Variants in ITPA observed in about 807,000 individuals in gnomAD.
ITPA encodes the protein inosine triphosphatase, also known as inosine triphosphate pyrophosphatase.
In ITPA, 29 loss-of-function variants were observed where a neutral mutation model predicts 29.6. The observed-to-expected ratio is 0.98, with a 90% CI of 0.73 to 1.34. ITPA has a LOEUF of 1.34. Ranked by LOEUF, ITPA falls within the 40% of genes most tolerant of loss-of-function variation. The pLI, the probability that ITPA is intolerant of heterozygous loss-of-function variation, is 0.00. For synonymous variants in ITPA, 103 were observed against 99.3 expected (o/e 1.04, Z -0.22); for missense variants, 241 against 251.5 (o/e 0.96, Z 0.28).
At chr20:3,216,051 G>A (rs1050735228) in intron 5 of ITPA, among the ~76,000 whole-genome samples, 2 of 146,720 alleles carry the variant, frequency 1.4e-5, no homozygotes, top group South Asian at 2.2e-4. Context: ...GGTGCAGTGC[G>A]TCAATCTCGG....
chr20:3,213,928 C>A, intron 3 of ITPA, 57 bp from the exon 4 acceptor site: 3 of 1,562,454 alleles, frequency 1.9e-6, no homozygotes, highest in Non-Finnish European at 2.6e-6. Flanking sequence ...GTGACCTGGA[C>A]GTTCCAGGTG....
chr20:3,223,877 T>G, downstream of ITPA: 1 of 165,864 alleles, frequency 6.0e-6, no homozygotes, highest in Non-Finnish European at 1.3e-5. Flanking sequence ...CCCAGGCAGG[T>G]GTCTGTCTCA....
At chr20:3,221,410 G>C (rs1054210583) in intron 6 of ITPA, among the ~76,000 whole-genome samples, 1 of 152,172 alleles carries the variant, frequency 6.6e-6, no homozygotes, top group Non-Finnish European at 1.5e-5. Context: ...AGTCTTCCTT[G>C]TATTTTCAGG....
chr20:3,219,196 C>CTTTTTT (rs1190462595), intron 6 of ITPA: 3 of 66,178 alleles, frequency 4.5e-5, no homozygotes, highest in East Asian at 6.4e-4. Context: ...AATCTTAATT[C>CTTTTTT]TTTTTTTTTT....
upstream of ITPA, among the ~76,000 whole-genome samples, chr20:3,206,762 C>T (rs533625650): frequency 2.7e-5 from 4 of 150,342 alleles, no homozygotes; most frequent in South Asian, 2.1e-4. Flanking sequence ...ACCCGGGAGG[C>T]GGAGCTTGCA....
upstream of ITPA, chr20:3,209,315 G>T (rs1420793119): frequency 5.0e-6 from 3 of 600,182 alleles, no homozygotes; most frequent in Non-Finnish European, 9.0e-6. The surrounding 1 kb of genome is among the most constrained non-coding windows in gnomAD (Gnocchi z 4.6). Flanking sequence ...CGTCCCTTAG[G>T]CAGGAGGGGT....
chr20:3,205,300 G>C (rs6051643), upstream of ITPA, among the ~76,000 whole-genome samples: 4 of 152,044 alleles, frequency 2.6e-5, no homozygotes, highest in Middle Eastern at 0.014. Context: ...GGGTTTTGCT[G>C]TATCTGTGAC....
At chr20:3,213,147 G>A in intron 1 of ITPA, 22 bp from the exon 2 acceptor site, 9 of 1,610,420 alleles carry the variant, frequency 5.6e-6, no homozygotes, top group Non-Finnish European at 7.6e-6. Context: ...GGTGATAAGT[G>A]TTCTCTTTTC....
At chr20:3,222,472 G>T (rs2067490556) in intron 7 of ITPA, among the ~76,000 whole-genome samples, 1 of 152,184 alleles carries the variant, frequency 6.6e-6, no homozygotes, top group South Asian at 2.1e-4. Flanking sequence ...GCCTCCCAAA[G>T]TGCTGGGATT....
Position 3,215,268 on chromosome 20 carries a change from C to A in ITPA, c.264-13C>A, listed in dbSNP as rs754911401. 5 of 1,613,538 alleles carry A rather than the reference C, an allele frequency of 3.1e-6. No individual in the cohort carries two copies. The Admixed American group carries it at 8.3e-5, about 27-fold the overall frequency. ...TGCTCCTGGTGTCTGACTGTCCTTT[C>A]TTTCTCTTGCAGAAAGTGGTTTCTG... On this transcript the variant is annotated splice_polypyrimidine_tract_variant and intron_variant, in intron 4 of 7. Transcript: ENST00000380113.
Position 3,217,910 on chromosome 20 carries a change from T to G in ITPA, c.296-607T>G, listed in dbSNP as rs551174798. On this transcript the variant is annotated intron_variant, in intron 5 of 7. Coordinates refer to ENST00000380113, the MANE Select transcript of ITPA (RefSeq NM_033453.4). ...ACAGTTGGTTAGTTTTTGTGGGTTTTTTTTTGTTTTTGTTTTTTCTTTCCT... is the reference window on the plus strand; with the variant it reads ...ACAGTTGGTTAGTTTTTGTGGGTTTGTTTTTGTTTTTGTTTTTTCTTTCCT... 7.6e-5 allele frequency among the ~76,000 whole-genome samples: 10 copies of G among 131,348 alleles called. No homozygotes were observed. The East Asian group carries it at 1.8e-3, about 24-fold the overall frequency. The allele number at this position is 131,348 out of a possible 152,430, so 86.2% of individuals were successfully genotyped here. A position where few individuals can be genotyped will look rare whatever the true frequency, so the allele number is the denominator to read the frequency against.
chr20:3,221,615 C>A, intron 6 of ITPA: 1 of 630,966 alleles, frequency 1.6e-6, no homozygotes, highest in Non-Finnish European at 2.9e-6. Flanking sequence ...GCTGGTGGTC[C>A]TGTGGGTCCA....
chr20:3,215,186 A>G, intron 4 of ITPA, 95 bp from the exon 5 acceptor site: 2 of 1,319,718 alleles, frequency 1.5e-6, no homozygotes, highest in East Asian at 2.3e-5. Context: ...ATTCTTTTTC[A>G]TTTCCCCTTG....
intron 1 of ITPA, among the ~76,000 whole-genome samples, chr20:3,210,242 G>A (rs1173621291): frequency 6.6e-6 from 1 of 152,142 alleles, no homozygotes; most frequent in African/African-American, 2.4e-5. Flanking sequence ...GCCACCAGAT[G>A]ACTCCTGTGG....
intron 5 of ITPA, among the ~76,000 whole-genome samples, chr20:3,216,496 C>T (rs1467164370): frequency 1.3e-5 from 2 of 148,176 alleles, no homozygotes; most frequent in Non-Finnish European, 3.0e-5. Context: ...TCTTGTTGCC[C>T]AGGCTGGAGC....
rs753643660 is a variant in ITPA at position 3,218,498 on chromosome 20, C to T, written c.296-19C>T. ...GTTGGCCATTAGGGATGCACTGAGCCCTCACTGCCCACCCGCAGGTCTCCA... is the reference window on the plus strand; with the variant it reads ...GTTGGCCATTAGGGATGCACTGAGCTCTCACTGCCCACCCGCAGGTCTCCA... On this transcript the variant is annotated intron_variant, in intron 5 of 7. Coordinates refer to ENST00000380113, the MANE Select transcript of ITPA (RefSeq NM_033453.4). 3 of 1,563,440 alleles carry T rather than the reference C, an allele frequency of 1.9e-6. No homozygotes were observed. The highest frequency in any genetic ancestry group is 2.6e-6 in the Non-Finnish European group (3 of 1,134,014).
chr20:3,211,476 TTTTTG>T (rs987090603), intron 1 of ITPA, among the ~76,000 whole-genome samples: 1 of 139,404 alleles, frequency 7.2e-6, no homozygotes, highest in African/African-American at 2.6e-5. Flanking sequence ...CCCAGCTGTG[TTTTTG>T]TTTTGTTTTG....
At chr20:3,220,910 T>C (rs989145204) in intron 6 of ITPA, among the ~76,000 whole-genome samples, 2 of 151,570 alleles carry the variant, frequency 1.3e-5, no homozygotes, top group Admixed American at 1.3e-4. Context: ...TTTTTTGGAG[T>C]GTTTGTTTGT....
downstream of ITPA, among the ~76,000 whole-genome samples, chr20:3,225,807 T>A (rs747621384): frequency 1.2e-4 from 18 of 152,302 alleles, no homozygotes; most frequent in Non-Finnish European, 2.2e-4. Context: ...GGCAGGCAGA[T>A]CACTTGAGGT....
Sources: gnomAD v4.1 joint callset for allele counts (sites outside exome capture counted in the v4.1 genomes callset) on GRCh38, gnomAD v4.1.1 for gene constraint, Gnocchi (gnomAD v3.1) non-coding constraint, MANE v1.5 for transcripts, NCBI Gene and HGNC (gene_info 2026-07-23, HGNC 2026-07-21) for gene names.